Variants in CYP11B1 observed in about 807,000 individuals in gnomAD.
CYP11B1 encodes cytochrome P450 11B1, mitochondrial.
CYP11B1 carries 34 observed loss-of-function variants against 48.3 expected under a neutral mutation model. That is an observed-to-expected ratio of 0.70 (90% CI 0.54 to 0.94). The LOEUF is 0.94. Ranked by LOEUF, CYP11B1 falls within the 40% of genes least tolerant of loss-of-function variation. The probability of loss-of-function intolerance (pLI) is 0.00; values close to 1 mark genes in which losing one functional copy is unlikely to be tolerated. For missense variants in CYP11B1, 688 were observed against 657.4 expected (o/e 1.05, Z -0.51); for synonymous variants, 291 against 262.5 (o/e 1.11, Z -1.05).
chr8:142,879,292 G>T (rs1177594293), intron 1 of CYP11B1, 105 bp from the exon 2 acceptor site: 2 of 1,607,446 alleles, frequency 1.2e-6, no homozygotes, highest in Non-Finnish European at 1.7e-6. Context: ...CCCTCTCCTG[G>T]ATTAGCGGCT....
At chr8:142,878,900 C>G (rs1817050893) in intron 2 of CYP11B1, 132 bp downstream of exon 2, 2 of 1,388,544 alleles carry the variant, frequency 1.4e-6, no homozygotes, top group Admixed American at 2.0e-5. Flanking sequence ...TGGCCGTCCT[C>G]TGGGTCGGGT....
At chr8:142,876,202 G>A (rs1816942647) in intron 5 of CYP11B1, 39 bp downstream of exon 5, 1 of 1,613,818 alleles carries the variant, frequency 6.2e-7, no homozygotes, top group Non-Finnish European at 8.5e-7. Flanking sequence ...GGCAGGCTTG[G>A]CATCACCCTC....
Position 142,876,241 on chromosome 8 carries a change from C to T in CYP11B1, c.954G>A (p.Thr318=), listed in dbSNP as rs753774484. The stretch of plus-strand genomic sequence containing the variant: ...GGGTGGGGCTGGTTGCCGGCCTGAC[C>T]GTGTCCACGCTCCCTGCAGTGAGTT... ...SMELTAGSVD[T]TVFPLLMTLF... is the part of the protein sequence containing the mutation. Residue 318 remains threonine (T), a splice_region_variant and synonymous_variant, in exon 5 of 9, where the codon ACG becomes ACA. Coordinates refer to ENST00000292427, the MANE Select transcript of CYP11B1 (RefSeq NM_000497.4). 3.1e-6 allele frequency: 5 copies of T among 1,614,062 alleles called. No homozygotes were observed. Among genetic ancestry groups the T allele is most frequent in the African/African-American group, 1.3e-5 (1 of 74,936 alleles).
At chr8:142,878,171 T>C (rs1817021962) in intron 2 of CYP11B1, among the ~76,000 whole-genome samples, 1 of 152,124 alleles carries the variant, frequency 6.6e-6, no homozygotes, top group African/African-American at 2.4e-5. Context: ...TCCCCTTCCT[T>C]CCGTTATGTG....
At chr8:142,878,681 G>T (rs1817041265) in intron 2 of CYP11B1, among the ~76,000 whole-genome samples, 1 of 152,350 alleles carries the variant, frequency 6.6e-6, no homozygotes, top group Non-Finnish European at 1.5e-5. Context: ...GCCAGTGGGA[G>T]TACCCTTCTC....
chr8:142,877,355 G>A (rs942441732), intron 2 of CYP11B1, 133 bp from the exon 3 acceptor site: 2 of 930,464 alleles, frequency 2.1e-6, no homozygotes, highest in African/African-American at 3.2e-5. Context: ...GAAGCTGCCT[G>A]TTTGTGTTCG....
At chr8:142,878,889 A>G (rs1817050464) in intron 2 of CYP11B1, 143 bp downstream of exon 2, 4 of 1,264,596 alleles carry the variant, frequency 3.2e-6, no homozygotes, top group Non-Finnish European at 3.3e-6. Flanking sequence ...ACCCCACGGA[A>G]TGGCCGTCCT....
rs192138518 is a variant in CYP11B1 at position 142,872,792 on chromosome 8, C to A, written c.*1581G>T. The A allele has an allele frequency of 1.3e-5, 2 of 152,090 alleles. No individual in the cohort carries two copies. The highest frequency in any genetic ancestry group is 6.5e-5 in the Admixed American group (1 of 15,276). 9.4% of individuals were successfully genotyped at this position (152,090 alleles called of 1,614,324 possible). ...GGCTGAAATCTAGTCACCAAGGTGA[C>A]GATAATAGCAGGGCCGGGCCTTTGA... On this transcript the variant is annotated 3_prime_UTR_variant, in exon 9 of 9. Coordinates refer to ENST00000292427, the MANE Select transcript of CYP11B1 (RefSeq NM_000497.4).
Position 142,879,662 on chromosome 8 carries a change from C to T in CYP11B1, c.152G>A (p.Arg51Lys), listed in dbSNP as rs775358429. 4.3e-6 allele frequency: 7 copies of T among 1,614,144 alleles called. No homozygotes were observed. The African/African-American group carries it at 8.0e-5, about 18-fold the overall frequency. Residue 51 changes from arginine (R) to lysine (K), a missense_variant, in exon 1 of 9, where the codon AGG becomes AAG. Transcript: ENST00000292427. ...MPRRPGNRWL[R>K]LLQIWREQGY... ...CTGCTCCCTCCAGATCTGCAGCAGC[C>T]TCAGCCACCTGTTGCCTGGACGCCG...
At position 142,876,296 on chromosome 8, in the gene CYP11B1, G is replaced by C. The variant is rs202091168; in HGVS notation, c.899C>G (p.Ser300Trp). ...VAELLLNAEL[S>W]PDAIKANSME... ...AGAGTTGGCCTTGATGGCATCTGGCGACAGTTCCGCATTCAACAGGAGCTC... is the reference window on the plus strand; with the variant it reads ...AGAGTTGGCCTTGATGGCATCTGGCCACAGTTCCGCATTCAACAGGAGCTC... Residue 300 changes from serine to tryptophan, a missense_variant, in exon 5 of 9, where the codon TCG (serine) becomes TGG (tryptophan). By Grantham distance (177) the Ser-to-Trp change is radical. Coordinates refer to ENST00000292427, the MANE Select transcript of CYP11B1 (RefSeq NM_000497.4). 4.8e-5 allele frequency: 77 copies of C among 1,614,252 alleles called. No individual in the cohort carries two copies. Among genetic ancestry groups the C allele is most frequent in the Non-Finnish European group, 5.8e-5 (68 of 1,180,052 alleles).
At chr8:142,878,500 G>A (rs1474491704) in intron 2 of CYP11B1, among the ~76,000 whole-genome samples, 4 of 152,288 alleles carry the variant, frequency 2.6e-5, no homozygotes, top group Admixed American at 1.3e-4. Flanking sequence ...GCCCCACCTC[G>A]TGCCTTGCTT....
chr8:142,874,855 G>A, intron 8 of CYP11B1, 102 bp downstream of exon 8: 2 of 1,412,734 alleles, frequency 1.4e-6, no homozygotes, highest in South Asian at 2.4e-5. Context: ...CAGGAAACAT[G>A]CAGGCCACTC....
intron 2 of CYP11B1, 70 bp downstream of exon 2, chr8:142,878,962 C>G: frequency 6.3e-7 from 1 of 1,584,622 alleles, no homozygotes; most frequent in African/African-American, 1.3e-5. Context: ...GCTTTTGGGT[C>G]CTGCCTCTCT....
chr8:142,877,119 C>T lies in CYP11B1; in HGVS notation c.499G>A (p.Asp167Asn), dbSNP rs61751152. Residue 167 changes from aspartate (D) to asparagine (N), a missense_variant, in exon 3 of 9, where the codon GAC becomes AAC. Physicochemically the swap from Asp to Asn is conservative, Grantham distance 23. Coordinates refer to ENST00000292427, the MANE Select transcript of CYP11B1 (RefSeq NM_000497.4). ...TTCTTCTTCAGGGCCTGGGAGAAGT[C>T]CCTGGCCACTGCATCCACCATCGGG... ...FLPMVDAVAR[D>N]FSQALKKKVL... 139 of 1,614,098 alleles carry T rather than the reference C, an allele frequency of 8.6e-5. 1 individual carries two copies. The African/African-American group carries it at 1.7e-3, about 19-fold the overall frequency.
rs1261412258 is a variant in CYP11B1 at position 142,876,269 on chromosome 8, A to G, written c.926T>C (p.Met309Thr). 1.2e-6 allele frequency: 2 copies of G among 1,614,228 alleles called. No individual in the cohort carries two copies. Among genetic ancestry groups the G allele is most frequent in the Non-Finnish European group, 1.7e-6 (2 of 1,180,038 alleles). The change falls in exon 5 of 9, where the codon ATG becomes ACG. Residue 309 changes from methionine to threonine, a missense_variant. Met to Thr is a moderately conservative substitution (Grantham distance 81). Coordinates refer to ENST00000292427, the MANE Select transcript of CYP11B1 (RefSeq NM_000497.4). ...GTCCACGCTCCCTGCAGTGAGTTCC[A>G]TAGAGTTGGCCTTGATGGCATCTGG... Reference protein sequence around the residue: ...LSPDAIKANSMELTAGSVDTT... With the variant: ...LSPDAIKANSTELTAGSVDTT...
In CYP11B1 at chr8:142,875,133, AGAG is replaced by A; in HGVS notation, c.1219_1221del (p.Leu407del). The A allele has an allele frequency of 6.2e-7, 1 of 1,614,254 alleles. No individual in the cohort carries two copies. The highest frequency in any genetic ancestry group is 8.5e-7 in the Non-Finnish European group (1 of 1,180,042). Reference sequence around the variant, plus strand: ...AAGGCGGGGTTGCGACCCAGAGAGTAGAGGAACACGCGCACCAATGTCTGCGGA... The same window carrying A: ...AAGGCGGGGTTGCGACCCAGAGAGTAGAACACGCGCACCAATGTCTGCGGA... On this transcript the variant is annotated inframe_deletion, in exon 8 of 9. Coordinates refer to ENST00000292427, the MANE Select transcript of CYP11B1 (RefSeq NM_000497.4).
chr8:142,876,502 T>A, intron 4 of CYP11B1, 107 bp from the exon 5 acceptor site: 1 of 1,539,276 alleles, frequency 6.5e-7, no homozygotes, highest in Non-Finnish European at 8.8e-7. Flanking sequence ...CCTGCTCTCA[T>A]CCCAAATTCT....
In CYP11B1 at chr8:142,876,405, G is replaced by T. The variant is rs1434060556; in HGVS notation, c.800-10C>A. On this transcript the variant is annotated splice_polypyrimidine_tract_variant and intron_variant, in intron 4 of 8. Transcript: ENST00000292427. ...TGGATACAGTTGTCGCCTATCCGGG[G>T]AGCGGGAGGCAGCCCTCAGACTTTG... 2 of 1,612,160 alleles carry T rather than the reference G, an allele frequency of 1.2e-6. No individual in the cohort carries two copies. The highest frequency in any genetic ancestry group is 1.7e-6 in the Non-Finnish European group (2 of 1,179,090).
intron 6 of CYP11B1, 86 bp from the exon 7 acceptor site, chr8:142,875,398 A>G (rs1816905802): frequency 2.1e-6 from 3 of 1,412,502 alleles, no homozygotes; most frequent in Admixed American, 2.0e-5. Flanking sequence ...AAGAACCCGC[A>G]GAGGTCCCAG....
Sources: gnomAD v4.1 joint callset for allele counts (sites outside exome capture counted in the v4.1 genomes callset) on GRCh38, gnomAD v4.1.1 for gene constraint, MANE v1.5 for transcripts, NCBI Gene and HGNC (gene_info 2026-07-23, HGNC 2026-07-21) for gene names.